The following PPP1CC variants were observed in gnomAD, a reference collection of about 807,000 sequenced individuals.
PPP1CC encodes protein phosphatase 1 catalytic subunit gamma, also known as serine/threonine-protein phosphatase PP1-gamma catalytic subunit.
Under a neutral mutation model 38.4 loss-of-function variants are expected in PPP1CC, and 16 were observed. That is an observed-to-expected ratio of 0.42 (90% CI 0.28 to 0.63). The LOEUF (loss-of-function observed/expected upper bound fraction) is 0.63, where lower values mean the gene tolerates loss of function less well. PPP1CC is among the 30% of genes least tolerant of loss of function. The pLI is 0.25. For missense variants in PPP1CC, 170 were observed against 391.3 expected, an observed-to-expected ratio of 0.43 and a Z score of 4.77; for synonymous variants, 158 against 136.0, an observed-to-expected ratio of 1.16 and a Z score of -1.13.
chr12:110,728,095 A>C (rs552242709), intron 3 of PPP1CC, among the ~76,000 whole-genome samples: 33 of 152,336 alleles, frequency 2.2e-4, no homozygotes, highest in African/African-American at 7.9e-4. Flanking sequence ...GCTATGTAAA[A>C]GGAATCCTTT....
chr12:110,716,908 T>C (rs1467756409), downstream of PPP1CC, among the ~76,000 whole-genome samples: 1 of 152,226 alleles, frequency 6.6e-6, no homozygotes, highest in Admixed American at 6.5e-5. Context: ...GATGCACTAA[T>C]GCAAGTACTC....
In PPP1CC at chr12:110,722,294, T is replaced by TTC. The variant is rs745506288; in HGVS notation, c.748-26_748-25insGA. On this transcript the variant is annotated intron_variant, in intron 5 of 6. Transcript: ENST00000335007. The surrounding 1 kb of genome is among the most constrained non-coding windows in gnomAD (Gnocchi z 5.4). The stretch of plus-strand genomic sequence containing the variant: ...CCTTGAAGAGAAAATTTTTTCAATA[T>TTC]AAATAGGTGCAAATATTAGGTGAGT... 4.6e-4 allele frequency: 744 copies of TTC among 1,610,120 alleles called. No homozygotes were observed. The highest frequency in any genetic ancestry group is 6.0e-4 in the Non-Finnish European group (704 of 1,177,164).
At chr12:110,714,805 CAAAAAAAAAA>C (rs1164975036), downstream of PPP1CC, among the ~76,000 whole-genome samples, 78 of 22,062 alleles carry the variant, frequency 3.5e-3, 1 homozygote, top group Middle Eastern at 0.029. Context: ...GACTCTGTCT[CAAAAAAAAAA>C]AAAAAAAAAA....
chr12:110,728,850 G>C (rs946556659), intron 3 of PPP1CC, among the ~76,000 whole-genome samples: 3 of 152,216 alleles, frequency 2.0e-5, no homozygotes, highest in African/African-American at 7.2e-5. Context: ...TTGTGGGAAA[G>C]GGTGGTAGTA....
intron 1 of PPP1CC, among the ~76,000 whole-genome samples, chr12:110,740,048 T>C (rs1214799666): frequency 6.6e-6 from 1 of 152,182 alleles, no homozygotes; most frequent in African/African-American, 2.4e-5. Flanking sequence ...AGAAAAGAAC[T>C]GCAAAGGTTA....
At chr12:110,708,382 A>G in the PPP1CC span, among the ~76,000 whole-genome samples, 3 of 152,198 alleles carry the variant, frequency 2.0e-5, no homozygotes, top group Non-Finnish European at 4.4e-5. Flanking sequence ...TGGCTGAAAG[A>G]TATATATGAC....
At chr12:110,728,226 C>T (rs1270516324) in intron 3 of PPP1CC, among the ~76,000 whole-genome samples, 5 of 151,960 alleles carry the variant, frequency 3.3e-5, no homozygotes, top group Non-Finnish European at 5.9e-5. Flanking sequence ...AGTGAAACCC[C>T]GCCTCTACTA....
At chr12:110,729,341 T>A (rs2069845808) in intron 3 of PPP1CC, among the ~76,000 whole-genome samples, 1 of 152,062 alleles carries the variant, frequency 6.6e-6, no homozygotes, top group South Asian at 2.1e-4. Context: ...ACTACAGGCA[T>A]CTGCCACCAC....
rs775592669 is a variant in PPP1CC, at chr12:110,722,295, A to C, written c.748-26T>G. On this transcript the variant is annotated intron_variant, in intron 5 of 6. Transcript: ENST00000335007. The surrounding 1 kb of genome is among the most constrained non-coding windows in gnomAD (Gnocchi z 5.4). ...CTTGAAGAGAAAATTTTTTCAATAT[A>C]AATAGGTGCAAATATTAGGTGAGTA... 1.2e-6 allele frequency: 2 copies of C among 1,610,274 alleles called. No homozygotes were observed. The highest frequency in any genetic ancestry group is 3.4e-5 in the Admixed American group (2 of 59,654).
At chr12:110,739,550 C>T (rs1220359738) in intron 1 of PPP1CC, among the ~76,000 whole-genome samples, 2 of 152,152 alleles carry the variant, frequency 1.3e-5, no homozygotes, top group African/African-American at 4.8e-5. Flanking sequence ...ACACTCCCTA[C>T]CTTCAGAACA....
chr12:110,713,516 A>C, the PPP1CC span, among the ~76,000 whole-genome samples: 1 of 152,112 alleles, frequency 6.6e-6, no homozygotes, highest in Non-Finnish European at 1.5e-5. Context: ...AAAATCAGGG[A>C]AGGCTCTACC....
downstream of PPP1CC, among the ~76,000 whole-genome samples, chr12:110,719,386 A>C (rs1303778888): frequency 6.6e-6 from 1 of 152,112 alleles, no homozygotes; most frequent in African/African-American, 2.4e-5. Context: ...CCTCAGGGAG[A>C]CCACTTTGTA....
chr12:110,716,053 A>G (rs2069684683), downstream of PPP1CC, among the ~76,000 whole-genome samples: 1 of 152,122 alleles, frequency 6.6e-6, no homozygotes, highest in African/African-American at 2.4e-5. Context: ...CTACCACCAA[A>G]TTGGTTGTTC....
chr12:110,719,808 G>A lies in PPP1CC; in HGVS notation c.*1268C>T, dbSNP rs572062785. 1.5e-5 allele frequency: 4 copies of A among 267,290 alleles called. No individual in the cohort carries two copies. Among genetic ancestry groups the A allele is most frequent in the East Asian group, 7.6e-5 (1 of 13,120 alleles). 16.6% of individuals were successfully genotyped at this position (267,290 alleles called of 1,614,324 possible). A position where few individuals can be genotyped will look rare whatever the true frequency, so the allele number is the denominator to read the frequency against. ...AAAGAAGCAAAACCAAAATGCAACC[G>A]TGTGGTTTCCAGAGCAATTTATTCA... On this transcript the variant is annotated 3_prime_UTR_variant, in exon 7 of 7. Coordinates refer to ENST00000335007, the MANE Select transcript of PPP1CC (RefSeq NM_002710.4).
At position 110,722,415 on chromosome 12, in the gene PPP1CC, A is replaced by T. The variant is rs1410151192; in HGVS notation, c.747+57T>A. ...TACCTACCCACCAAAATCAACAAGG[A>T]GAATCTGTGCTCACACACATGCTCT... On this transcript the variant is annotated intron_variant, in intron 5 of 6. Coordinates refer to ENST00000335007, the MANE Select transcript of PPP1CC (RefSeq NM_002710.4). This position sits in a 1 kb window ranked among gnomAD's most constrained non-coding sequence, Gnocchi z 5.4. The T allele has an allele frequency of 1.9e-6, 3 of 1,587,840 alleles. No individual in the cohort carries two copies. The highest frequency in any genetic ancestry group is 2.6e-6 in the Non-Finnish European group (3 of 1,156,940).
chr12:110,726,570 G>A (rs1420908089), intron 3 of PPP1CC: 1 of 152,164 alleles, frequency 6.6e-6, no homozygotes, highest in African/African-American at 2.4e-5. Flanking sequence ...TCCTTCTTAC[G>A]AAAGGCTGAA....
At chr12:110,721,349 C>T (rs910556944) in intron 6 of PPP1CC, 184 bp from the exon 7 acceptor site, 15 of 513,092 alleles carry the variant, frequency 2.9e-5, no homozygotes, top group East Asian at 6.6e-5. Context: ...AACGCTATGA[C>T]GAACAGATAA....
intron 4 of PPP1CC, among the ~76,000 whole-genome samples, chr12:110,723,049 T>A (rs2069757647): frequency 6.6e-6 from 1 of 152,232 alleles, no homozygotes; most frequent in African/African-American, 2.4e-5. Flanking sequence ...TGATGGCTTA[T>A]AATGACTGAG....
chr12:110,727,844 C>T (rs2069818633), intron 3 of PPP1CC, among the ~76,000 whole-genome samples: 1 of 152,210 alleles, frequency 6.6e-6, no homozygotes, highest in Admixed American at 6.5e-5. Flanking sequence ...ATTATATCTG[C>T]CTGATGAGAG....
Sources: allele counts gnomAD v4.1 joint callset (sites outside exome capture counted in the v4.1 genomes callset), GRCh38; gene constraint gnomAD v4.1.1; non-coding constraint Gnocchi (gnomAD v3.1); transcripts MANE v1.5; gene names NCBI Gene and HGNC (gene_info 2026-07-23, HGNC 2026-07-21).